HIPK2: variants seen among roughly 807,000 people sequenced by gnomAD.
HIPK2 encodes homeodomain-interacting protein kinase 2.
In HIPK2, 27 loss-of-function variants were observed where a neutral mutation model predicts 113.7. The observed-to-expected ratio is 0.24, with a 90% CI of 0.17 to 0.33. The LOEUF (loss-of-function observed/expected upper bound fraction) is 0.33. Among genes scored for constraint, HIPK2 ranks in the 10% least tolerant of loss-of-function variants. The pLI, the probability that HIPK2 is intolerant of heterozygous loss-of-function variation, is 1.00. For missense variants in HIPK2, 1,257 were observed against 1,588.0 expected (o/e 0.79, Z 3.54); for synonymous variants, 631 against 642.2 (o/e 0.98, Z 0.26).
intron 14 of HIPK2, 38 bp from the exon 15 acceptor site, chr7:139,573,435 G>T (rs764819384): frequency 6.3e-7 from 1 of 1,578,684 alleles, no homozygotes; most frequent in South Asian, 1.1e-5. Flanking sequence ...GTCAGGGGCC[G>T]ACACATGGGG....
At chr7:139,761,241 T>C (rs1796458840) in intron 1 of HIPK2, among the ~76,000 whole-genome samples, 1 of 152,186 alleles carries the variant, frequency 6.6e-6, no homozygotes, top group Non-Finnish European at 1.5e-5. Flanking sequence ...ACAGAAACAT[T>C]TCCCAAAACC....
intron 1 of HIPK2, among the ~76,000 whole-genome samples, chr7:139,725,958 C>G (rs1167815662): frequency 1.3e-5 from 2 of 152,118 alleles, no homozygotes; most frequent in African/African-American, 4.8e-5. Flanking sequence ...GAGTCCCACA[C>G]CAGCCAAAGG....
intron 13 of HIPK2, among the ~76,000 whole-genome samples, chr7:139,581,228 A>T (rs1014930630): frequency 1.3e-5 from 2 of 152,066 alleles, no homozygotes; most frequent in African/African-American, 4.8e-5. Context: ...CCGGAAAAAA[A>T]AGCAACGACA....
chr7:139,748,117 G>C (rs1260035558), intron 1 of HIPK2, among the ~76,000 whole-genome samples: 1 of 152,042 alleles, frequency 6.6e-6, no homozygotes, highest in African/African-American at 2.4e-5. Flanking sequence ...AAAAAACTCA[G>C]TGAGGGAAAA....
intron 8 of HIPK2, 92 bp downstream of exon 8, chr7:139,614,194 T>G: frequency 2.6e-6 from 3 of 1,168,586 alleles, no homozygotes; most frequent in African/African-American, 1.6e-5. Context: ...CCTTTCTCCA[T>G]GAAAATGAGC....
intron 7 of HIPK2, 70 bp downstream of exon 7, chr7:139,620,331 A>G (rs753147122): frequency 9.7e-5 from 152 of 1,571,106 alleles, no homozygotes; most frequent in Non-Finnish European, 1.3e-4. Context: ...ACTAGGTATG[A>G]TGGAAAATAC....
intron 12 of HIPK2, among the ~76,000 whole-genome samples, chr7:139,586,023 A>AG (rs1798822745): frequency 6.6e-6 from 1 of 152,212 alleles, no homozygotes; most frequent in African/African-American, 2.4e-5. Context: ...CAAGTTAAAT[A>AG]GTAAAAGCTT....
chr7:139,741,194 G>A (rs945338621), intron 1 of HIPK2, among the ~76,000 whole-genome samples: 2 of 152,186 alleles, frequency 1.3e-5, no homozygotes, highest in African/African-American at 4.8e-5. Context: ...GGTTGGTGAA[G>A]AGTTGGTGAG....
chr7:139,721,418 T>C (rs1464657934), intron 1 of HIPK2, among the ~76,000 whole-genome samples: 1 of 152,246 alleles, frequency 6.6e-6, no homozygotes, highest in African/African-American at 2.4e-5. Flanking sequence ...AGTTTAGCTT[T>C]CAGAGAGTTG....
intron 12 of HIPK2, among the ~76,000 whole-genome samples, chr7:139,594,801 G>A (rs1476433125): frequency 6.6e-6 from 1 of 152,176 alleles, no homozygotes; most frequent in Non-Finnish European, 1.5e-5. Flanking sequence ...GCAGGATGCT[G>A]TGGGACTCAG....
intron 1 of HIPK2, among the ~76,000 whole-genome samples, chr7:139,746,938 T>G (rs1308924693): frequency 1.3e-5 from 2 of 152,164 alleles, no homozygotes; most frequent in African/African-American, 4.8e-5. Flanking sequence ...GGTGAACCAT[T>G]TGTTTCTTTC....
At chr7:139,707,815 G>A (rs1794947046) in intron 2 of HIPK2, among the ~76,000 whole-genome samples, 1 of 152,216 alleles carries the variant, frequency 6.6e-6, no homozygotes, top group South Asian at 2.1e-4. Context: ...CCTTGGCAGT[G>A]AGTGCGCTAT....
At chr7:139,648,812 T>C (rs1322505473) in intron 2 of HIPK2, among the ~76,000 whole-genome samples, 3 of 151,688 alleles carry the variant, frequency 2.0e-5, no homozygotes, top group Non-Finnish European at 4.4e-5. Context: ...TTTCCCCGTA[T>C]GTATTGTGTT....
chr7:139,745,092 T>C (rs1182767422), intron 1 of HIPK2, among the ~76,000 whole-genome samples: 3 of 152,132 alleles, frequency 2.0e-5, no homozygotes, highest in Non-Finnish European at 4.4e-5. Context: ...TGCAATTAGT[T>C]AGGAATCAAA....
intron 2 of HIPK2, among the ~76,000 whole-genome samples, chr7:139,709,497 T>C (rs1187634191): frequency 6.6e-6 from 1 of 152,252 alleles, no homozygotes; most frequent in African/African-American, 2.4e-5. Flanking sequence ...TTTTAGAATA[T>C]GCTCTGTTCT....
Position 139,714,136 on chromosome 7 carries a change from T to G in HIPK2, c.1103+1796A>C, listed in dbSNP as rs201460716. ...ACCCGTCTGTCCGCACGGGGCCTGG[T>G]GGTGAAAGCACAGGCCTGTGGAGAC... On this transcript the variant is annotated intron_variant, in intron 2 of 14. Coordinates refer to ENST00000406875, the MANE Select transcript of HIPK2 (RefSeq NM_022740.5). This position sits in a 1 kb window ranked among gnomAD's most constrained non-coding sequence, Gnocchi z 4.2. Among the ~76,000 whole-genome samples the G allele has an allele frequency of 2.0e-5, 3 of 152,148 alleles. No homozygotes were observed. The highest frequency in any genetic ancestry group is 3.9e-4 in the East Asian group (2 of 5,152).
At chr7:139,734,974 T>C (rs1439149459) in intron 1 of HIPK2, among the ~76,000 whole-genome samples, 2 of 152,210 alleles carry the variant, frequency 1.3e-5, no homozygotes, top group African/African-American at 4.8e-5. Flanking sequence ...ATGTAATTAA[T>C]GAGAATATCT....
At chr7:139,665,130 T>C (rs962729333) in intron 2 of HIPK2, among the ~76,000 whole-genome samples, 1 of 151,894 alleles carries the variant, frequency 6.6e-6, no homozygotes, top group Admixed American at 6.6e-5. Flanking sequence ...CTAGACCTCC[T>C]GCGCTTAGGT....
At chr7:139,768,969 T>A (rs1032455693) in intron 1 of HIPK2, among the ~76,000 whole-genome samples, 4 of 152,122 alleles carry the variant, frequency 2.6e-5, no homozygotes, top group African/African-American at 9.7e-5. Context: ...AAAGACTGAA[T>A]AATAACGCAT....
Sources: gnomAD v4.1 joint callset for allele counts (sites outside exome capture counted in the v4.1 genomes callset) on GRCh38, gnomAD v4.1.1 for gene constraint, Gnocchi (gnomAD v3.1) non-coding constraint, MANE v1.5 for transcripts, NCBI Gene and HGNC (gene_info 2026-07-23, HGNC 2026-07-21) for gene names.